Variants in ASPRV1 observed in about 807,000 individuals in gnomAD.
ASPRV1 encodes the protein aspartic peptidase retroviral like 1.
In ASPRV1, 7 loss-of-function variants were observed where a neutral mutation model predicts 11.0. That is an observed-to-expected ratio of 0.64 (90% CI 0.36 to 1.20). The LOEUF is 1.20. Ranked by LOEUF, ASPRV1 falls within the 50% of genes most tolerant of loss-of-function variation. The pLI is 0.02. For missense variants in ASPRV1, 299 were observed against 320.0 expected (o/e 0.93, Z 0.50); for synonymous variants, 136 against 138.4 (o/e 0.98, Z 0.12).
At chr2:70,007,775 C>A in the ASPRV1 span, among the ~76,000 whole-genome samples, 1 of 152,004 alleles carries the variant, frequency 6.6e-6, no homozygotes, top group Non-Finnish European at 1.5e-5. Flanking sequence ...GACTGGAGGA[C>A]CAGGGAACTT....
chr2:69,976,257 T>G, the ASPRV1 span: 1 of 152,706 alleles, frequency 6.5e-6, no homozygotes, highest in African/African-American at 2.4e-5. Context: ...CAATCTGATT[T>G]TGGTCTTCTT....
At chr2:69,938,987 G>A in the ASPRV1 span, 1 of 152,478 alleles carries the variant, frequency 6.6e-6, no homozygotes, top group Admixed American at 6.6e-5. Context: ...ATCTATTTTT[G>A]TGCGATGTTC....
the ASPRV1 span, among the ~76,000 whole-genome samples, chr2:70,004,105 G>A: frequency 6.6e-6 from 1 of 152,174 alleles, no homozygotes; most frequent in Non-Finnish European, 1.5e-5. Context: ...GCCACAAACG[G>A]AGTCTTCTAA....
chr2:70,014,518 C>T, the ASPRV1 span: 2 of 152,022 alleles, frequency 1.3e-5, no homozygotes, highest in African/African-American at 4.8e-5. Context: ...AGTGAAAAGG[C>T]AGCCGGGTGC....
chr2:70,073,835 ACTCT>A, the ASPRV1 span, among the ~76,000 whole-genome samples: 3 of 151,766 alleles, frequency 2.0e-5, no homozygotes, highest in African/African-American at 4.8e-5. Context: ...CACAAGGCAG[ACTCT>A]CTAAGAACTC....
upstream of ASPRV1, among the ~76,000 whole-genome samples, chr2:69,965,335 C>T (rs1467696320): frequency 2.0e-5 from 3 of 152,112 alleles, no homozygotes; most frequent in African/African-American, 7.2e-5. Context: ...GCCTGGCCCA[C>T]CTCAAACACT....
chr2:69,957,346 A>G (rs1445238895), downstream of ASPRV1, among the ~76,000 whole-genome samples: 1 of 152,070 alleles, frequency 6.6e-6, no homozygotes, highest in African/African-American at 2.4e-5. Context: ...AAAAATGCTA[A>G]TATTTGGGGA....
the ASPRV1 span, among the ~76,000 whole-genome samples, chr2:70,070,109 G>C: frequency 4.0e-5 from 6 of 149,336 alleles, no homozygotes; most frequent in Admixed American, 1.4e-4. Context: ...AACCCAGGAG[G>C]CAGAAGTTGC....
At chr2:69,940,326 C>CTT in the ASPRV1 span, 3 of 152,152 alleles carry the variant, frequency 2.0e-5, no homozygotes, top group Admixed American at 2.0e-4. Context: ...TATGTCTGCA[C>CTT]TTTGAGGTCC....
At chr2:70,050,457 C>CT in the ASPRV1 span, 1 of 151,944 alleles carries the variant, frequency 6.6e-6, no homozygotes, top group Non-Finnish European at 1.5e-5. Context: ...GGGAAGCACG[C>CT]TTTTTTCTAA....
the ASPRV1 span, among the ~76,000 whole-genome samples, chr2:70,061,535 T>G: frequency 8.5e-5 from 13 of 152,086 alleles, no homozygotes; most frequent in Non-Finnish European, 1.6e-4. Flanking sequence ...CAACGAACTG[T>G]GAGCAGATGA....
At chr2:70,076,128 C>A in the ASPRV1 span, among the ~76,000 whole-genome samples, 1 of 152,154 alleles carries the variant, frequency 6.6e-6, no homozygotes, top group African/African-American at 2.4e-5. Flanking sequence ...ACATGCTACA[C>A]TGATAAGATG....
At chr2:70,040,820 T>A in the ASPRV1 span, among the ~76,000 whole-genome samples, 1 of 151,948 alleles carries the variant, frequency 6.6e-6, no homozygotes, top group Non-Finnish European at 1.5e-5. Flanking sequence ...GGTGACAGAG[T>A]GAGACTCCGA....
At chr2:70,009,928 C>A in the ASPRV1 span, among the ~76,000 whole-genome samples, 1 of 152,176 alleles carries the variant, frequency 6.6e-6, no homozygotes, top group Non-Finnish European at 1.5e-5. Flanking sequence ...AATGCAGGGA[C>A]CAGCAGCCCC....
At chr2:69,951,328 A>T in the ASPRV1 span, among the ~76,000 whole-genome samples, 1,102 of 149,738 alleles carry the variant, frequency 7.4e-3, 16 homozygotes, top group African/African-American at 0.024. Context: ...GGAGGCTGAG[A>T]CAGGAGAATC....
chr2:69,974,760 G>C, the ASPRV1 span, among the ~76,000 whole-genome samples: 16 of 152,264 alleles, frequency 1.1e-4, no homozygotes, highest in Non-Finnish European at 1.6e-4. Flanking sequence ...ACAGGAAGAA[G>C]GCTGGGATCA....
downstream of ASPRV1, among the ~76,000 whole-genome samples, chr2:69,957,808 T>C (rs1677973634): frequency 6.6e-6 from 1 of 152,154 alleles, no homozygotes; most frequent in Non-Finnish European, 1.5e-5. Context: ...GAGGAACTGA[T>C]GTTCATGGGT....
chr2:69,985,834 G>A, the ASPRV1 span, among the ~76,000 whole-genome samples: 1 of 152,176 alleles, frequency 6.6e-6, no homozygotes, highest in African/African-American at 2.4e-5. Context: ...CCCAGCCCTG[G>A]ACATGAAGCA....
At chr2:70,082,222 T>C in the ASPRV1 span, among the ~76,000 whole-genome samples, 1 of 151,602 alleles carries the variant, frequency 6.6e-6, no homozygotes, top group African/African-American at 2.4e-5. Context: ...TGACCTCAGA[T>C]GGTCTACCCG....
Sources: gnomAD v4.1 joint callset for allele counts (sites outside exome capture counted in the v4.1 genomes callset) on GRCh38, gnomAD v4.1.1 for gene constraint, MANE v1.5 for transcripts, NCBI Gene and HGNC (gene_info 2026-07-23, HGNC 2026-07-21) for gene names.